TFEC: variants seen among roughly 807,000 people sequenced by gnomAD.
TFEC encodes transcription factor EC.
In TFEC, 31 loss-of-function variants were observed where a neutral mutation model predicts 41.6. That is an observed-to-expected ratio of 0.74 (90% CI 0.56 to 1.01). TFEC has a LOEUF of 1.01. Ranked by LOEUF, TFEC falls within the 50% of genes least tolerant of loss-of-function variation. The pLI, the probability that TFEC is intolerant of heterozygous loss-of-function variation, is 0.00. For synonymous variants in TFEC, 143 were observed against 140.6 expected, an observed-to-expected ratio of 1.02 and a Z score of -0.12; for missense variants, 402 against 404.1, an observed-to-expected ratio of 0.99 and a Z score of 0.04.
chr7:116,083,674 T>A (rs2131064948), intron 3 of TFEC, among the ~76,000 whole-genome samples: 1 of 152,050 alleles, frequency 6.6e-6, no homozygotes, highest in Non-Finnish European at 1.5e-5. Context: ...AAATGGGAAA[T>A]ATACATACCT....
At chr7:116,105,730 A>G (rs545090325) in intron 3 of TFEC, among the ~76,000 whole-genome samples, 238 of 152,278 alleles carry the variant, frequency 1.6e-3, no homozygotes, top group African/African-American at 5.3e-3. Flanking sequence ...ACATAAGCAC[A>G]TGAAAGCTTT....
chr7:116,154,675 A>T (rs2116483365), intron 1 of TFEC, among the ~76,000 whole-genome samples: 1 of 152,310 alleles, frequency 6.6e-6, no homozygotes, highest in East Asian at 1.9e-4. Flanking sequence ...TATTTGCATC[A>T]GCCTAATTCC....
intron 3 of TFEC, among the ~76,000 whole-genome samples, chr7:116,042,943 T>C (rs1796074837): frequency 6.6e-6 from 1 of 152,188 alleles, no homozygotes. Flanking sequence ...GACAATAATA[T>C]GTGAGAGAGC....
rs574870582 is a variant in TFEC at position 116,080,979 on chromosome 7, G to GTATGTA, written c.198+29728_198+29729insTACATA. On this transcript the variant is annotated intron_variant, in intron 3 of 8. Transcript: ENST00000484212. ...AACGAGTGGATAAAGAAAATGTAGT[G>GTATGTA]TGTGTGTGTGTGTGTGTGTGTGTGT... Among the ~76,000 whole-genome samples the GTATGTA allele has an allele frequency of 6.4e-3, 684 of 106,524 alleles. 5 individuals carry two copies. Among genetic ancestry groups the GTATGTA allele is most frequent in the Middle Eastern group, 0.037 (8 of 214 alleles). The allele number at this position is 106,524 out of a possible 152,430, so 69.9% of individuals were successfully genotyped here.
At chr7:115,945,681 T>G (rs1791494519) in intron 6 of TFEC, among the ~76,000 whole-genome samples, 1 of 151,738 alleles carries the variant, frequency 6.6e-6, no homozygotes, top group Admixed American at 6.6e-5. Context: ...TACAACACAA[T>G]AGAAATAAAA....
chr7:116,112,931 G>C (rs1797889143), intron 1 of TFEC, among the ~76,000 whole-genome samples: 1 of 151,946 alleles, frequency 6.6e-6, no homozygotes, highest in African/African-American at 2.4e-5. Flanking sequence ...GAAACCAAGA[G>C]CTAGTGAGCT....
intron 3 of TFEC, among the ~76,000 whole-genome samples, chr7:116,054,251 A>G (rs1206488721): frequency 2.0e-5 from 3 of 152,182 alleles, no homozygotes; most frequent in Non-Finnish European, 1.5e-5. Flanking sequence ...TGAATGTTGG[A>G]GTTGGGATCT....
intron 3 of TFEC, among the ~76,000 whole-genome samples, chr7:116,062,225 CTTTTTTTTTTTTTTTT>C (rs569480964): frequency 1.9e-5 from 1 of 51,900 alleles, no homozygotes; most frequent in Non-Finnish European, 3.0e-5. Context: ...CATGCCTGGC[CTTTTTTTTTTTTTTTT>C]TTTTTTTTTT....
At chr7:116,106,762 A>G (rs1797727850) in intron 3 of TFEC, among the ~76,000 whole-genome samples, 1 of 152,210 alleles carries the variant, frequency 6.6e-6, no homozygotes, top group African/African-American at 2.4e-5. Flanking sequence ...TTTTTGAGGC[A>G]AGAAATGTAA....
intron 2 of TFEC, among the ~76,000 whole-genome samples, chr7:115,976,397 C>T (rs992610467): frequency 3.9e-5 from 6 of 151,986 alleles, no homozygotes; most frequent in African/African-American, 1.4e-4. Context: ...TGCACTCCAG[C>T]CCAGGTGACA....
intron 3 of TFEC, among the ~76,000 whole-genome samples, chr7:116,036,406 GCT>G (rs918608853): frequency 2.6e-5 from 4 of 152,024 alleles, no homozygotes; most frequent in African/African-American, 9.7e-5. Context: ...GCAGAAAGCA[GCT>G]CTCTGACAAA....
At chr7:115,977,640 C>T (rs892093679) in intron 2 of TFEC, among the ~76,000 whole-genome samples, 1 of 150,830 alleles carries the variant, frequency 6.6e-6, no homozygotes, top group East Asian at 1.9e-4. Context: ...GAAACTGATA[C>T]AAAACAAAAG....
At chr7:116,031,031 A>C (rs1795767569), upstream of TFEC, among the ~76,000 whole-genome samples, 1 of 152,136 alleles carries the variant, frequency 6.6e-6, no homozygotes, top group Non-Finnish European at 1.5e-5. Flanking sequence ...TCTTACCAGA[A>C]TATACACAAG....
chr7:116,107,040 GT>G (rs1367081627), intron 3 of TFEC, among the ~76,000 whole-genome samples: 1 of 152,128 alleles, frequency 6.6e-6, no homozygotes, highest in African/African-American at 2.4e-5. Context: ...ACTTGACAGA[GT>G]TTTTACCTTA....
chr7:115,937,364 A>G lies in TFEC; in HGVS notation c.*3187T>C, dbSNP rs1009371506. 3 of 151,800 alleles carry G rather than the reference A, an allele frequency of 2.0e-5. No homozygotes were observed. The highest frequency in any genetic ancestry group is 7.2e-5 in the African/African-American group (3 of 41,534). 9.4% of individuals were successfully genotyped at this position (151,800 alleles called of 1,614,324 possible). ...TTGATAAACATATGCCTCTTTTACT[A>G]TTATGAAAAATCTCATTTCTGCAAG... On this transcript the variant is annotated 3_prime_UTR_variant, in exon 8 of 8. Transcript: ENST00000265440.
intron 2 of TFEC, among the ~76,000 whole-genome samples, chr7:115,983,370 A>C (rs148037350): frequency 3.9e-5 from 6 of 152,252 alleles, no homozygotes; most frequent in African/African-American, 1.2e-4. Context: ...TGGAATTTAA[A>C]TAATGGGATT....
chr7:116,000,577 GA>G (rs1297546128), intron 1 of TFEC, among the ~76,000 whole-genome samples: 1 of 152,044 alleles, frequency 6.6e-6, no homozygotes, highest in Non-Finnish European at 1.5e-5. Flanking sequence ...TATTAGAACT[GA>G]TAAATTCAGT....
At chr7:116,127,899 A>G (rs1426738152) in intron 1 of TFEC, among the ~76,000 whole-genome samples, 1 of 151,780 alleles carries the variant, frequency 6.6e-6, no homozygotes, top group Non-Finnish European at 1.5e-5. Flanking sequence ...TGGTTCATTT[A>G]CCTCTCAATG....
At chr7:116,006,151 G>T (rs767505763) in intron 1 of TFEC, among the ~76,000 whole-genome samples, 1 of 152,186 alleles carries the variant, frequency 6.6e-6, no homozygotes, top group Non-Finnish European at 1.5e-5. Flanking sequence ...GGAAATGTGG[G>T]GTCAGAGCCT....
Sources: allele counts gnomAD v4.1 joint callset (sites outside exome capture counted in the v4.1 genomes callset), GRCh38; gene constraint gnomAD v4.1.1; transcripts MANE v1.5; gene names NCBI Gene and HGNC (gene_info 2026-07-23, HGNC 2026-07-21).